XYLT1: variants seen among roughly 807,000 people sequenced by gnomAD.
The protein encoded by XYLT1 is beta-D-xylosyltransferase 1.
XYLT1 carries 36 observed loss-of-function variants against 91.3 expected under a neutral mutation model. The observed-to-expected ratio is 0.39, with a 90% CI of 0.30 to 0.52. The LOEUF (loss-of-function observed/expected upper bound fraction) is 0.52. XYLT1 is among the 20% of genes least tolerant of loss of function. The pLI is 0.68. For synonymous variants in XYLT1, 588 were observed against 532.0 expected, an observed-to-expected ratio of 1.11 and a Z score of -1.45; for missense variants, 1,242 against 1,284.5, an observed-to-expected ratio of 0.97 and a Z score of 0.51.
chr16:17,307,044 G>C (rs539533965), intron 2 of XYLT1, among the ~76,000 whole-genome samples: 1 of 152,270 alleles, frequency 6.6e-6, no homozygotes, highest in African/African-American at 2.4e-5. Flanking sequence ...GAATCTGGTA[G>C]TTATATGAGC....
intron 5 of XYLT1, among the ~76,000 whole-genome samples, chr16:17,196,215 GC>G (rs1363337773): frequency 2.6e-5 from 4 of 152,172 alleles, no homozygotes; most frequent in African/African-American, 9.7e-5. Flanking sequence ...GAAGAAAGCA[GC>G]CACTTCTAGC....
At chr16:17,122,060 A>C (rs1386848322) in intron 10 of XYLT1, among the ~76,000 whole-genome samples, 1 of 152,188 alleles carries the variant, frequency 6.6e-6, no homozygotes, top group Non-Finnish European at 1.5e-5. Context: ...GTGCTGCTAT[A>C]AACATGCGTG....
intron 2 of XYLT1, among the ~76,000 whole-genome samples, chr16:17,284,332 C>T (rs752328470): frequency 1.3e-5 from 2 of 152,206 alleles, no homozygotes; most frequent in Non-Finnish European, 2.9e-5. Context: ...AGGCAACATA[C>T]ATTGTGCTAG....
chr16:17,132,321 G>A (rs2030514314), intron 9 of XYLT1, among the ~76,000 whole-genome samples: 1 of 152,102 alleles, frequency 6.6e-6, no homozygotes, highest in South Asian at 2.1e-4. Context: ...TGTGGGGTGA[G>A]CTATCTTAAT....
At chr16:17,268,233 G>A (rs2033835464) in intron 2 of XYLT1, among the ~76,000 whole-genome samples, 1 of 152,158 alleles carries the variant, frequency 6.6e-6, no homozygotes, top group Admixed American at 6.5e-5. Flanking sequence ...TGCAAAAAAT[G>A]TAAAACAGTG....
Position 17,312,955 on chromosome 16 carries a change from C to T in XYLT1, c.402+45057G>A, listed in dbSNP as rs183762843. ...AGGTTCCAGACCCATCCCAAAGAACCGGATCCTCTTGGAAAAGCTCCCCCT... is the reference window on the plus strand; with the variant it reads ...AGGTTCCAGACCCATCCCAAAGAACTGGATCCTCTTGGAAAAGCTCCCCCT... On this transcript the variant is annotated intron_variant, in intron 2 of 11. Coordinates refer to ENST00000261381, the MANE Select transcript of XYLT1 (RefSeq NM_022166.4). The surrounding 1 kb of genome is among the most constrained non-coding windows in gnomAD (Gnocchi z 4.4). Among the ~76,000 whole-genome samples, 6 of 152,346 alleles carry T rather than the reference C, an allele frequency of 3.9e-5. No homozygotes were observed. The highest frequency in any genetic ancestry group is 3.9e-4 in the East Asian group (2 of 5,184).
intron 1 of XYLT1, among the ~76,000 whole-genome samples, chr16:17,368,755 T>C (rs985650809): frequency 6.6e-6 from 1 of 151,948 alleles, no homozygotes; most frequent in African/African-American, 2.4e-5. Flanking sequence ...TGGCTAATAT[T>C]TCATTTTTTG....
intron 1 of XYLT1, among the ~76,000 whole-genome samples, chr16:17,432,911 G>C (rs958713959): frequency 6.6e-6 from 1 of 152,108 alleles, no homozygotes; most frequent in Non-Finnish European, 1.5e-5. Flanking sequence ...CCACGTATTT[G>C]ATTTTTACAG....
intron 7 of XYLT1, among the ~76,000 whole-genome samples, chr16:17,139,079 G>A (rs1430070868): frequency 6.6e-6 from 1 of 152,158 alleles, no homozygotes; most frequent in Non-Finnish European, 1.5e-5. Flanking sequence ...CTAATCCCAG[G>A]ATTCTTGGCC....
rs2141597396 is a variant in XYLT1 at position 17,209,191 on chromosome 16, C to T, written c.914-8537G>A. ...CTCCCCTCCTTCAGCTCCTGGAAAG[C>T]TTCATTCTACTTTCTGCCTCTATGA... On this transcript the variant is annotated intron_variant, in intron 3 of 11. Transcript: ENST00000261381. Among the ~76,000 whole-genome samples, 3 of 152,308 alleles carry T rather than the reference C, an allele frequency of 2.0e-5. No homozygotes were observed. The South Asian group carries it at 6.2e-4, about 32-fold the overall frequency.
At chr16:17,351,971 C>T (rs1251643405) in intron 2 of XYLT1, among the ~76,000 whole-genome samples, 1 of 152,074 alleles carries the variant, frequency 6.6e-6, no homozygotes, top group Non-Finnish European at 1.5e-5. Context: ...TAGCAAAATC[C>T]CACCTCTACA....
intron 1 of XYLT1, among the ~76,000 whole-genome samples, chr16:17,362,220 C>G (rs1268884838): frequency 6.6e-6 from 1 of 152,158 alleles, no homozygotes; most frequent in Non-Finnish European, 1.5e-5. Flanking sequence ...ATAAGCAGTA[C>G]CACCTTAACA....
At chr16:17,165,166 A>C (rs1039435714) in intron 5 of XYLT1, among the ~76,000 whole-genome samples, 1 of 152,248 alleles carries the variant, frequency 6.6e-6, no homozygotes, top group Non-Finnish European at 1.5e-5. Flanking sequence ...CATCATCATC[A>C]TCTAACACTT....
chr16:17,335,150 G>C (rs964035348), intron 2 of XYLT1, among the ~76,000 whole-genome samples: 1 of 151,484 alleles, frequency 6.6e-6, no homozygotes, highest in Non-Finnish European at 1.5e-5. Context: ...AACTGAACGC[G>C]GGGACGTTGC....
intron 3 of XYLT1, among the ~76,000 whole-genome samples, chr16:17,229,580 G>A (rs1238824584): frequency 2.0e-5 from 3 of 152,184 alleles, no homozygotes; most frequent in African/African-American, 7.2e-5. Context: ...GGTGGGGGCA[G>A]AGGCAAATTA....
intron 1 of XYLT1, among the ~76,000 whole-genome samples, chr16:17,433,820 T>C (rs555877447): frequency 1.2e-4 from 18 of 152,266 alleles, no homozygotes; most frequent in Middle Eastern, 3.4e-3. Context: ...TCCCCTTTCA[T>C]TGAAAAAGAA....
chr16:17,359,678 C>A (rs1386696407), intron 1 of XYLT1, among the ~76,000 whole-genome samples: 1 of 152,176 alleles, frequency 6.6e-6, no homozygotes, highest in Non-Finnish European at 1.5e-5. Context: ...GGAATATGTT[C>A]TCCCCGTCTC....
chr16:17,241,234 G>C lies in XYLT1; in HGVS notation c.913+17754C>G, dbSNP rs540101522. On this transcript the variant is annotated intron_variant, in intron 3 of 11. Transcript: ENST00000261381. The stretch of plus-strand genomic sequence containing the variant: ...TTGATAGCGTTTCATGCACCTAATG[G>C]TGCAGTTCCTGTGTTCACGGCAATA... 2.0e-5 allele frequency among the ~76,000 whole-genome samples: 3 copies of C among 152,346 alleles called. No homozygotes were observed. The East Asian group carries it at 5.8e-4, about 29-fold the overall frequency.
chr16:17,134,823 G>A (rs1349403475), intron 8 of XYLT1, 88 bp from the exon 9 acceptor site: 2 of 1,509,152 alleles, frequency 1.3e-6, no homozygotes, highest in Admixed American at 3.8e-5. Flanking sequence ...GTGGTTAGAA[G>A]CAAAGCTCTG....
Sources: gnomAD v4.1 joint callset for allele counts (sites outside exome capture counted in the v4.1 genomes callset) on GRCh38, gnomAD v4.1.1 for gene constraint, Gnocchi (gnomAD v3.1) non-coding constraint, MANE v1.5 for transcripts, NCBI Gene and HGNC (gene_info 2026-07-23, HGNC 2026-07-21) for gene names.